EPB41L4B: variants seen among roughly 807,000 people sequenced by gnomAD.
EPB41L4B encodes erythrocyte membrane protein band 4.1 like 4B.
Under a neutral mutation model 112.5 loss-of-function variants are expected in EPB41L4B, and 30 were observed. The observed-to-expected ratio is 0.27, with a 90% CI of 0.20 to 0.36. EPB41L4B has a LOEUF of 0.36. EPB41L4B is among the 10% of genes least tolerant of loss of function. The probability of loss-of-function intolerance (pLI) is 1.00; values close to 1 mark genes in which losing one functional copy is unlikely to be tolerated. For missense variants in EPB41L4B, 1,024 were observed against 1,133.3 expected, an observed-to-expected ratio of 0.90 and a Z score of 1.38; for synonymous variants, 408 against 439.7, an observed-to-expected ratio of 0.93 and a Z score of 0.90.
chr9:109,243,760 G>A, intron 14 of EPB41L4B, 78 bp from the exon 15 acceptor site: 3 of 1,428,314 alleles, frequency 2.1e-6, no homozygotes, highest in Non-Finnish European at 2.0e-6. Flanking sequence ...TCTGTTCCTG[G>A]CATCCACCCG....
chr9:109,249,002 T>A (rs1466176676), intron 13 of EPB41L4B, among the ~76,000 whole-genome samples: 1 of 149,026 alleles, frequency 6.7e-6, no homozygotes, highest in Non-Finnish European at 1.5e-5. Context: ...GAGCTGGCAG[T>A]GAGCCGAGAC....
At chr9:109,243,494 T>C (rs1486058335) in intron 15 of EPB41L4B, 124 bp downstream of exon 15, 4 of 816,262 alleles carry the variant, frequency 4.9e-6, no homozygotes, top group African/African-American at 1.7e-5. Flanking sequence ...ATCTCGGCCA[T>C]GACAATGCAT....
rs750385789 is a variant in EPB41L4B at position 109,217,135 on chromosome 9, G to A, written c.1420C>T (p.Pro474Ser). The A allele has an allele frequency of 6.2e-7, 1 of 1,613,816 alleles. No individual in the cohort carries two copies. The highest frequency in any genetic ancestry group is 2.2e-5 in the East Asian group (1 of 44,874). The change falls in exon 16 of 26, where the codon CCT becomes TCT. Residue 474 changes from proline (P) to serine (S), a missense_variant. Transcript: ENST00000374566. ...TCCGAGCTGCTAAGCACTGGGGAAG[G>A]GAGCGGGTAGCTGTGGAGGGTGACA... ...PHSPNVSYPL[P>S]SPVLSSSDRL... is the part of the protein sequence containing the mutation.
intron 15 of EPB41L4B, among the ~76,000 whole-genome samples, chr9:109,238,315 C>A (rs1006580663): frequency 6.6e-6 from 1 of 152,164 alleles, no homozygotes; most frequent in Non-Finnish European, 1.5e-5. Flanking sequence ...AGCTGACACA[C>A]TGAGTAATAT....
intron 15 of EPB41L4B, among the ~76,000 whole-genome samples, chr9:109,224,948 G>A (rs373993860): frequency 4.4e-4 from 67 of 152,268 alleles, no homozygotes; most frequent in South Asian, 3.1e-3. Flanking sequence ...CTCTCTGCTC[G>A]CTGCCTCAAG....
intron 1 of EPB41L4B, among the ~76,000 whole-genome samples, chr9:109,302,081 G>C (rs746281474): frequency 2.0e-5 from 3 of 152,180 alleles, no homozygotes; most frequent in Admixed American, 1.3e-4. Flanking sequence ...CATCCCCAGA[G>C]AAGCAAGGTA....
chr9:109,264,879 T>A (rs1835343452), intron 5 of EPB41L4B, 101 bp downstream of exon 5: 2 of 1,135,476 alleles, frequency 1.8e-6, no homozygotes, highest in Non-Finnish European at 2.4e-6. Context: ...TTTTTTTGAA[T>A]TTTGAAAAGG....
At chr9:109,186,004 C>G (rs1274083670) in intron 22 of EPB41L4B, among the ~76,000 whole-genome samples, 1 of 151,986 alleles carries the variant, frequency 6.6e-6, no homozygotes, top group African/African-American at 2.4e-5. Context: ...GAAAGATAGC[C>G]AGGATGACTT....
At chr9:109,316,373 G>T (rs985218447) in intron 1 of EPB41L4B, among the ~76,000 whole-genome samples, 7 of 152,240 alleles carry the variant, frequency 4.6e-5, no homozygotes, top group African/African-American at 1.7e-4. Context: ...GGGAGGCGGG[G>T]CTGAGCAACA....
intron 22 of EPB41L4B, among the ~76,000 whole-genome samples, chr9:109,190,549 G>A (rs963902154): frequency 2.6e-4 from 39 of 152,354 alleles, no homozygotes; most frequent in African/African-American, 8.9e-4. Flanking sequence ...AACCTGGGCT[G>A]ACAGCTTGGA....
At chr9:109,216,229 G>T (rs2052987362) in intron 16 of EPB41L4B, among the ~76,000 whole-genome samples, 1 of 151,974 alleles carries the variant, frequency 6.6e-6, no homozygotes. Flanking sequence ...TGGAGGCGGG[G>T]CACTGTGGCT....
At chr9:109,310,962 C>A (rs1166810184) in intron 1 of EPB41L4B, among the ~76,000 whole-genome samples, 1 of 152,076 alleles carries the variant, frequency 6.6e-6, no homozygotes, top group Non-Finnish European at 1.5e-5. Flanking sequence ...TGTAGGATTC[C>A]ACTTATATGG....
At chr9:109,240,050 C>T (rs575747678) in intron 15 of EPB41L4B, 329 of 985,374 alleles carry the variant, frequency 3.3e-4, no homozygotes, top group South Asian at 2.6e-3. Context: ...TGAATGCTCA[C>T]CTTCAGACTT....
intron 25 of EPB41L4B, among the ~76,000 whole-genome samples, chr9:109,176,040 TCACACACACGCACACACACACACA>T (rs1277719949): frequency 6.9e-5 from 3 of 43,484 alleles, no homozygotes; most frequent in Admixed American, 5.6e-4. Flanking sequence ...CTTGTCAATA[TCACACACACGCACACACACACACA>T]CACACACACA....
chr9:109,192,777 G>A (rs1832505720), intron 21 of EPB41L4B, among the ~76,000 whole-genome samples: 1 of 152,198 alleles, frequency 6.6e-6, no homozygotes, highest in African/African-American at 2.4e-5. Flanking sequence ...GGCAGGTGAT[G>A]GCATGTGGAT....
rs376338676 is a variant in EPB41L4B, at chr9:109,267,463, C to T, written c.533+10G>A. On this transcript the variant is annotated intron_variant, in intron 4 of 25. Transcript: ENST00000374566. ...TGCTGGGCGGGAGCTTGTTCTGCAT[C>T]GTGGCCTACCTTGTAAACTCCTCAC... 9.9e-5 allele frequency: 158 copies of T among 1,598,830 alleles called. No individual in the cohort carries two copies. Among genetic ancestry groups the T allele is most frequent in the Middle Eastern group, 1.7e-4 (1 of 6,012 alleles).
intron 1 of EPB41L4B, among the ~76,000 whole-genome samples, chr9:109,297,766 C>T (rs952308801): frequency 1.3e-5 from 2 of 152,252 alleles, no homozygotes; most frequent in African/African-American, 4.8e-5. Flanking sequence ...GGCCAAGGCA[C>T]AGTCTTGAAC....
intron 14 of EPB41L4B, among the ~76,000 whole-genome samples, chr9:109,245,002 G>C (rs1462344335): frequency 6.6e-6 from 1 of 152,140 alleles, no homozygotes; most frequent in Non-Finnish European, 1.5e-5. Flanking sequence ...CTCCTTCAAA[G>C]ACGCCTGTCA....
At chr9:109,178,902 TA>T (rs10625718) in intron 24 of EPB41L4B, among the ~76,000 whole-genome samples, 186 of 105,100 alleles carry the variant, frequency 1.8e-3, no homozygotes, top group Middle Eastern at 0.013. Flanking sequence ...ATACTTCAAG[TA>T]AAAAAAAAAA....
Sources: allele counts gnomAD v4.1 joint callset (sites outside exome capture counted in the v4.1 genomes callset), GRCh38; gene constraint gnomAD v4.1.1; transcripts MANE v1.5; gene names NCBI Gene and HGNC (gene_info 2026-07-23, HGNC 2026-07-21).